The following TRIM23 variants were observed in gnomAD, a reference collection of about 807,000 sequenced individuals.
TRIM23 encodes the protein E3 ubiquitin-protein ligase TRIM23.
TRIM23 carries 27 observed loss-of-function variants against 71.0 expected under a neutral mutation model. That is an observed-to-expected ratio of 0.38 (90% confidence interval 0.28 to 0.52). The LOEUF is 0.52. TRIM23 is among the 20% of genes least tolerant of loss of function. The pLI is 0.84. For synonymous variants in TRIM23, 234 were observed against 238.0 expected (o/e 0.98, Z 0.16); for missense variants, 482 against 692.3 (o/e 0.70, Z 3.41).
chr5:65,610,715 T>C, intron 5 of TRIM23, 146 bp downstream of exon 5: 1 of 591,156 alleles, frequency 1.7e-6, no homozygotes, highest in Non-Finnish European at 2.8e-6. Context: ...GATGAATGAG[T>C]TCCTGAAAGA....
intron 2 of TRIM23, among the ~76,000 whole-genome samples, chr5:65,616,658 A>C (rs1435417489): frequency 7.9e-5 from 12 of 151,864 alleles, no homozygotes. Flanking sequence ...AAAAAAAAAA[A>C]AAAAAGTAGA....
chr5:65,603,152 G>C (rs1441422800), intron 7 of TRIM23, among the ~76,000 whole-genome samples: 1 of 152,156 alleles, frequency 6.6e-6, no homozygotes, highest in Non-Finnish European at 1.5e-5. Flanking sequence ...GGACCGATGA[G>C]AGGGGGCAGA....
chr5:65,592,683 A>G (rs1449555065), intron 10 of TRIM23, among the ~76,000 whole-genome samples: 1 of 152,220 alleles, frequency 6.6e-6, no homozygotes, highest in East Asian at 1.9e-4. Context: ...CAGTTACAAC[A>G]TATTTTTCCA....
At chr5:65,601,306 C>T (rs895434351) in intron 7 of TRIM23, among the ~76,000 whole-genome samples, 1 of 152,158 alleles carries the variant, frequency 6.6e-6, no homozygotes, top group Non-Finnish European at 1.5e-5. Flanking sequence ...AGTCCATTTT[C>T]ATGCTGCTGA....
intron 7 of TRIM23, among the ~76,000 whole-genome samples, chr5:65,599,617 A>G (rs1754308446): frequency 6.6e-6 from 1 of 152,206 alleles, no homozygotes; most frequent in South Asian, 2.1e-4. Context: ...TAGACATTCC[A>G]TGTCCATGGA....
rs1754225206 is a variant in TRIM23, at chr5:65,596,952, A to G, written c.1309+99T>C. ...TGCTGATATCTTAGAGCCAGAAAAG[A>G]GCCCACCACCATGACAGATCAGTAT... On this transcript the variant is annotated intron_variant, in intron 8 of 10. Transcript: ENST00000231524. 47 of 1,442,496 alleles carry G rather than the reference A, an allele frequency of 3.3e-5. No homozygotes were observed. In the South Asian group the frequency reaches 5.7e-4, roughly 17 times the overall value. The allele number at this position is 1,442,496 out of a possible 1,614,324, so 89.4% of individuals were successfully genotyped here.
At chr5:65,610,229 G>GGAATT (rs1754616030) in intron 5 of TRIM23, among the ~76,000 whole-genome samples, 1 of 152,068 alleles carries the variant, frequency 6.6e-6, no homozygotes, top group African/African-American at 2.4e-5. Context: ...CAATTTTGTT[G>GGAATT]CTCCTCCAAT....
intron 3 of TRIM23, 92 bp downstream of exon 3, chr5:65,614,006 G>T (rs1427604001): frequency 3.8e-6 from 6 of 1,558,608 alleles, no homozygotes; most frequent in Non-Finnish European, 5.2e-6. Context: ...TTTACCTGCT[G>T]AAATAAATGA....
intron 6 of TRIM23, among the ~76,000 whole-genome samples, chr5:65,608,301 GT>G (rs1477704854): frequency 6.6e-6 from 1 of 152,156 alleles, no homozygotes; most frequent in African/African-American, 2.4e-5. Flanking sequence ...GGTCTGTAGA[GT>G]TCTAGCCCTA....
intron 6 of TRIM23, among the ~76,000 whole-genome samples, chr5:65,605,975 C>T (rs1442769252): frequency 6.6e-6 from 1 of 152,240 alleles, no homozygotes; most frequent in Non-Finnish European, 1.5e-5. Context: ...ATCCAAGCCA[C>T]TATTACCTCT....
intron 9 of TRIM23, among the ~76,000 whole-genome samples, chr5:65,595,818 G>C (rs1481567391): frequency 6.6e-6 from 1 of 152,092 alleles, no homozygotes; most frequent in African/African-American, 2.4e-5. Context: ...CATCTTGGTG[G>C]AAAGCAGAAT....
chr5:65,594,590 G>A lies in TRIM23; in HGVS notation c.1476C>T (p.Ser492=), dbSNP rs760511031. ...TTTCCGTTAACAACTTTGCAAGTTCGCTGTGTGCTTCACTAATTCTGTCTC... is the reference window on the plus strand; with the variant it reads ...TTTCCGTTAACAACTTTGCAAGTTCACTGTGTGCTTCACTAATTCTGTCTC... ...SHRDRISEAH[S]ELAKLLTEKE... is the part of the protein sequence containing the mutation. Residue 492 remains serine (S), a synonymous_variant, in exon 10 of 11, where the codon AGC becomes AGT. Transcript: ENST00000231524. 6.2e-6 allele frequency: 10 copies of A among 1,611,550 alleles called. No individual in the cohort carries two copies. The highest frequency in any genetic ancestry group is 4.0e-5 in the African/African-American group (3 of 74,704).
intron 8 of TRIM23, 77 bp from the exon 9 acceptor site, chr5:65,596,608 A>C (rs1178060881): frequency 1.2e-6 from 1 of 847,668 alleles, no homozygotes; most frequent in East Asian, 2.6e-5. Context: ...GACAACCCCC[A>C]GTTTATAACT....
chr5:65,600,187 C>G (rs1464319441), intron 7 of TRIM23, among the ~76,000 whole-genome samples: 1 of 152,124 alleles, frequency 6.6e-6, no homozygotes, highest in African/African-American at 2.4e-5. Flanking sequence ...CCCCCATGAT[C>G]CAGTCACCTC....
At chr5:65,603,956 T>C (rs1428995814) in intron 7 of TRIM23, among the ~76,000 whole-genome samples, 1 of 94,682 alleles carries the variant, frequency 1.1e-5, no homozygotes, top group East Asian at 2.3e-4. Flanking sequence ...AATAATGATA[T>C]TTTGGCTTTT....
chr5:65,597,021 A>C (rs762849779), intron 8 of TRIM23, 30 bp downstream of exon 8: 1 of 1,611,668 alleles, frequency 6.2e-7, no homozygotes, highest in Middle Eastern at 1.7e-4. Flanking sequence ...GGGTTTGTCT[A>C]TTAAGGTAAA....
chr5:65,605,172 C>A, intron 6 of TRIM23, 127 bp from the exon 7 acceptor site: 2 of 865,344 alleles, frequency 2.3e-6, no homozygotes, highest in South Asian at 2.4e-5. Context: ...GTAAATTTGA[C>A]AAAAATAATA....
chr5:65,601,721 CA>C (rs79417307), intron 7 of TRIM23, among the ~76,000 whole-genome samples: 11,252 of 152,252 alleles, frequency 0.074, 417 homozygotes, highest in East Asian at 0.096. Context: ...TGTTTCCATA[CA>C]TCTTCTGAAA....
chr5:65,591,525 TA>T lies in TRIM23; in HGVS notation c.*243del. ...AAACTTAAATAACAAATATACTTTT[TA>T]AAAGAATGTATATTCAATAAGTTTC... On this transcript the variant is annotated 3_prime_UTR_variant, in exon 11 of 11. Coordinates refer to ENST00000231524, the MANE Select transcript of TRIM23 (RefSeq NM_001656.4). 1 of 1,507,276 alleles carries T rather than the reference TA, an allele frequency of 6.6e-7. No individual in the cohort carries two copies. 93.4% of individuals were successfully genotyped at this position (1,507,276 alleles called of 1,614,324 possible).
Sources: gnomAD v4.1 joint callset for allele counts (sites outside exome capture counted in the v4.1 genomes callset) on GRCh38, gnomAD v4.1.1 for gene constraint, MANE v1.5 for transcripts, NCBI Gene and HGNC (gene_info 2026-07-23, HGNC 2026-07-21) for gene names.